NGEF: variants seen among roughly 807,000 people sequenced by gnomAD.
The protein encoded by NGEF is neuronal guanine nucleotide exchange factor.
A neutral mutation model predicts 80.9 loss-of-function variants in NGEF; 31 were observed. The observed-to-expected ratio is 0.38, with a 90% CI of 0.29 to 0.52. The LOEUF is 0.52. Among genes scored for constraint, NGEF ranks in the 20% least tolerant of loss-of-function variants. The probability of loss-of-function intolerance (pLI) is 0.84; values close to 1 mark genes in which losing one functional copy is unlikely to be tolerated. For synonymous variants in NGEF, 371 were observed against 370.2 expected (o/e 1.00, Z -0.03); for missense variants, 709 against 926.2 (o/e 0.77, Z 3.04).
intron 3 of NGEF, among the ~76,000 whole-genome samples, chr2:232,967,784 C>T (rs1694096721): frequency 6.6e-6 from 1 of 151,818 alleles, no homozygotes; most frequent in African/African-American, 2.4e-5. Context: ...TGTTGCCTCC[C>T]CACCTTGTCC....
chr2:232,947,244 A>T (rs1164360208), intron 3 of NGEF, among the ~76,000 whole-genome samples: 3 of 152,240 alleles, frequency 2.0e-5, no homozygotes, highest in Non-Finnish European at 4.4e-5. Flanking sequence ...GAATGCCTTT[A>T]GATGGGCTGC....
At position 232,879,420 on chromosome 2, in the gene NGEF, G is replaced by GCCCCC. The variant is rs67252740; in HGVS notation, c.*64_*68dup. The GCCCCC allele has an allele frequency of 3.3e-4, 407 of 1,230,962 alleles. 12 individuals are homozygous for GCCCCC. Among genetic ancestry groups the GCCCCC allele is most frequent in the South Asian group, 2.3e-3 (147 of 65,262 alleles). 76.3% of individuals were successfully genotyped at this position (1,230,962 alleles called of 1,614,324 possible). On this transcript the variant is annotated 3_prime_UTR_variant, in exon 15 of 15. Coordinates refer to ENST00000264051, the MANE Select transcript of NGEF (RefSeq NM_019850.3). Reference sequence around the variant, plus strand: ...GAGGTGCTGGCCTGTGCTTCCCAGAGCCCCCCCCCCCCCACCTTCTGTCGG... The same window carrying GCCCCC: ...GAGGTGCTGGCCTGTGCTTCCCAGAGCCCCCCCCCCCCCCCCCCACCTTCTGTCGG...
intron 1 of NGEF, among the ~76,000 whole-genome samples, chr2:232,976,950 T>C (rs1473655073): frequency 6.6e-6 from 1 of 152,182 alleles, no homozygotes; most frequent in East Asian, 1.9e-4. Context: ...CAGAGAGGAT[T>C]GTGCGGTGGC....
intron 3 of NGEF, among the ~76,000 whole-genome samples, chr2:232,932,227 C>G (rs1194724531): frequency 1.4e-5 from 2 of 139,626 alleles, no homozygotes; most frequent in South Asian, 2.3e-4. Flanking sequence ...TGCAGTGGCA[C>G]GATTTTGGTT....
intron 1 of NGEF, among the ~76,000 whole-genome samples, chr2:233,000,232 A>T (rs1694941288): frequency 6.6e-6 from 1 of 152,196 alleles, no homozygotes; most frequent in African/African-American, 2.4e-5. Context: ...AGTAGCTGGG[A>T]CTATAGGCAT....
chr2:232,975,398 C>T (rs992331898), intron 1 of NGEF, among the ~76,000 whole-genome samples: 2 of 152,166 alleles, frequency 1.3e-5, no homozygotes, highest in Non-Finnish European at 2.9e-5. Context: ...TAAGTTTAGA[C>T]ATGGGCAAGG....
At chr2:232,928,117 G>T (rs1693127120) in intron 3 of NGEF, 1 of 1,021,418 alleles carries the variant, frequency 9.8e-7, no homozygotes, top group South Asian at 4.5e-5. Flanking sequence ...GGCTCGACCG[G>T]AGCTGCAGCC....
At chr2:232,951,156 A>C (rs1001931806) in intron 3 of NGEF, among the ~76,000 whole-genome samples, 3 of 152,148 alleles carry the variant, frequency 2.0e-5, no homozygotes, top group Non-Finnish European at 1.5e-5. Context: ...ACTCACCGGA[A>C]CAACAGCTCC....
chr2:232,887,349 C>T (rs1691725906), intron 9 of NGEF, among the ~76,000 whole-genome samples: 1 of 152,124 alleles, frequency 6.6e-6, no homozygotes, highest in African/African-American at 2.4e-5. Context: ...CTGCTGCAAA[C>T]CTCTAGGAGG....
At chr2:232,939,359 A>G (rs1202492782) in intron 3 of NGEF, among the ~76,000 whole-genome samples, 4 of 152,168 alleles carry the variant, frequency 2.6e-5, no homozygotes, top group Admixed American at 2.6e-4. Context: ...AAGTGATATT[A>G]TTATTATTTA....
chr2:232,942,564 A>G (rs1366384590), intron 3 of NGEF, among the ~76,000 whole-genome samples: 2 of 152,280 alleles, frequency 1.3e-5, no homozygotes, highest in East Asian at 3.9e-4. Context: ...ACCACTGGGC[A>G]CGGTGGCTCA....
At chr2:232,921,530 C>A (rs953731380) in intron 4 of NGEF, among the ~76,000 whole-genome samples, 6 of 152,180 alleles carry the variant, frequency 3.9e-5, no homozygotes, top group Non-Finnish European at 5.9e-5. Flanking sequence ...TAGCTCACTG[C>A]AGCCTCCATC....
At position 232,881,141 on chromosome 2, in the gene NGEF, C is replaced by G. The variant is rs768458242; in HGVS notation, c.1942+5G>C. On this transcript the variant is annotated splice_donor_5th_base_variant and intron_variant, in intron 14 of 14. Transcript: ENST00000264051. Reference sequence around the variant, plus strand: ...GGGCCCCGAGGGGAGGTCCCTGGGCCTCACCGTCGTCAGTCTTGTCCAGGA... The same window carrying G: ...GGGCCCCGAGGGGAGGTCCCTGGGCGTCACCGTCGTCAGTCTTGTCCAGGA... 1.9e-6 allele frequency: 3 copies of G among 1,611,708 alleles called. No individual in the cohort carries two copies. The Admixed American group carries it at 5.0e-5, about 27-fold the overall frequency.
At chr2:232,916,221 A>T (rs1271686085) in intron 5 of NGEF, among the ~76,000 whole-genome samples, 1 of 152,258 alleles carries the variant, frequency 6.6e-6, no homozygotes, top group Non-Finnish European at 1.5e-5. Flanking sequence ...TGATAATGTC[A>T]GCTTTTTGCC....
chr2:232,916,124 T>C lies in NGEF; in HGVS notation c.828+4160A>G, dbSNP rs530011302. Reference sequence around the variant, plus strand: ...AAGATTAGGTTTAAATAAATGAAAGTACTGAAAGATTTGCTATCAAAATGG... The same window carrying C: ...AAGATTAGGTTTAAATAAATGAAAGCACTGAAAGATTTGCTATCAAAATGG... On this transcript the variant is annotated intron_variant, in intron 5 of 14. Coordinates refer to ENST00000264051, the MANE Select transcript of NGEF (RefSeq NM_019850.3). Among the ~76,000 whole-genome samples the C allele has an allele frequency of 2.6e-5, 4 of 152,330 alleles. No homozygotes were observed. In the South Asian group the frequency reaches 8.3e-4, roughly 32 times the overall value.
intron 3 of NGEF, among the ~76,000 whole-genome samples, chr2:232,944,329 C>A (rs1693505083): frequency 6.6e-6 from 1 of 152,176 alleles, no homozygotes; most frequent in African/African-American, 2.4e-5. Flanking sequence ...GCCCTGCAGA[C>A]ACACACTCTG....
In NGEF at chr2:232,944,734, T is replaced by C. The variant is rs1260053696; in HGVS notation, c.384-17548A>G. Among the ~76,000 whole-genome samples, 4 of 46,578 alleles carry C rather than the reference T, an allele frequency of 8.6e-5. 2 individuals are homozygous for C. Among genetic ancestry groups the C allele is most frequent in the Admixed American group, 4.2e-4 (2 of 4,708 alleles). 30.6% of individuals were successfully genotyped at this position (46,578 alleles called of 152,430 possible). ...GGGATAAGACTTTTCCGAATATATA[T>C]ATATATATATATATATATATATATA... On this transcript the variant is annotated intron_variant, in intron 3 of 14. Coordinates refer to ENST00000264051, the MANE Select transcript of NGEF (RefSeq NM_019850.3).
intron 1 of NGEF, among the ~76,000 whole-genome samples, chr2:233,007,415 G>C (rs1404569284): frequency 6.6e-6 from 1 of 152,208 alleles, no homozygotes; most frequent in East Asian, 1.9e-4. Flanking sequence ...AGGTAGCTCT[G>C]TGTCTGAGCC....
At chr2:232,995,584 A>AGTATGTATAT (rs1559240830) in intron 1 of NGEF, among the ~76,000 whole-genome samples, 1 of 116,738 alleles carries the variant, frequency 8.6e-6, no homozygotes, top group Admixed American at 7.7e-5. Context: ...ATATATATAC[A>AGTATGTATAT]GTATGTATAC....
Sources: allele counts gnomAD v4.1 joint callset (sites outside exome capture counted in the v4.1 genomes callset), GRCh38; gene constraint gnomAD v4.1.1; transcripts MANE v1.5; gene names NCBI Gene and HGNC (gene_info 2026-07-23, HGNC 2026-07-21).